The following MAF variants were observed in gnomAD, a reference collection of about 807,000 sequenced individuals.
The protein encoded by MAF is MAF bZIP transcription factor.
In MAF, 10 loss-of-function variants were observed where a neutral mutation model predicts 22.0. The ratio of observed to expected loss-of-function variants is 0.45; its 90% CI spans 0.28 to 0.77. The LOEUF (loss-of-function observed/expected upper bound fraction) is 0.77. MAF is among the 30% of genes least tolerant of loss of function. The pLI is 0.12. For missense variants in MAF, 544 were observed against 548.4 expected, an observed-to-expected ratio of 0.99 and a Z score of 0.08; for synonymous variants, 337 against 255.8, an observed-to-expected ratio of 1.32 and a Z score of -3.03.
chr16:79,245,761 T>C, the MAF span, among the ~76,000 whole-genome samples: 1 of 152,044 alleles, frequency 6.6e-6, no homozygotes, highest in Non-Finnish European at 1.5e-5. Flanking sequence ...TGCACACATA[T>C]GTTTACTGCA....
chr16:79,446,993 T>C, the MAF span, among the ~76,000 whole-genome samples: 24 of 152,258 alleles, frequency 1.6e-4, no homozygotes, highest in East Asian at 4.6e-3. Flanking sequence ...ACAAGAGTTT[T>C]TGGTAATATA....
chr16:79,550,285 C>T, the MAF span, among the ~76,000 whole-genome samples: 19 of 151,966 alleles, frequency 1.3e-4, no homozygotes, highest in African/African-American at 4.6e-4. Flanking sequence ...TAATGAAGAT[C>T]TTCAGGGGGG....
the MAF span, among the ~76,000 whole-genome samples, chr16:79,261,782 C>T: frequency 1.3e-5 from 2 of 152,260 alleles, no homozygotes; most frequent in African/African-American, 4.8e-5. Flanking sequence ...AGGGCCTGGC[C>T]TCAAAGACAA....
At chr16:79,343,476 A>G in the MAF span, among the ~76,000 whole-genome samples, 2 of 152,228 alleles carry the variant, frequency 1.3e-5, no homozygotes, top group Non-Finnish European at 2.9e-5. Context: ...CGGAGTCCAC[A>G]AAAAATTATA....
At chr16:79,569,330 C>T in the MAF span, among the ~76,000 whole-genome samples, 4 of 152,150 alleles carry the variant, frequency 2.6e-5, no homozygotes, top group African/African-American at 9.7e-5. Flanking sequence ...GCCAAATGTC[C>T]CTGGAGGAGC....
chr16:79,322,573 A>G, the MAF span, among the ~76,000 whole-genome samples: 2 of 152,144 alleles, frequency 1.3e-5, no homozygotes, highest in Admixed American at 6.5e-5. Flanking sequence ...TGGGGATAAC[A>G]TGGGAAGCGG....
chr16:79,529,206 G>C, the MAF span, among the ~76,000 whole-genome samples: 1 of 152,074 alleles, frequency 6.6e-6, no homozygotes, highest in Non-Finnish European at 1.5e-5. Context: ...AACTCCAGCT[G>C]GTCTCTCACT....
chr16:79,552,856 G>T, the MAF span, among the ~76,000 whole-genome samples: 1 of 152,206 alleles, frequency 6.6e-6, no homozygotes. Context: ...ACACATGAGA[G>T]ACCAGAGCTA....
the MAF span, among the ~76,000 whole-genome samples, chr16:79,427,319 A>C: frequency 2.0e-5 from 3 of 152,318 alleles, no homozygotes; most frequent in Middle Eastern, 6.8e-3. Flanking sequence ...CACCAAGGGC[A>C]CTTTGCTTGT....
chr16:79,329,108 C>A, the MAF span, among the ~76,000 whole-genome samples: 8 of 152,004 alleles, frequency 5.3e-5, no homozygotes, highest in South Asian at 8.3e-4. Context: ...TGTTTCACTT[C>A]CCACATTCTG....
At chr16:79,338,647 AG>A in the MAF span, among the ~76,000 whole-genome samples, 2 of 152,190 alleles carry the variant, frequency 1.3e-5, no homozygotes, top group African/African-American at 4.8e-5. Flanking sequence ...GAGTTGAGGA[AG>A]AAAAAAAATG....
chr16:79,406,689 C>G, the MAF span, among the ~76,000 whole-genome samples: 1 of 152,176 alleles, frequency 6.6e-6, no homozygotes, highest in African/African-American at 2.4e-5. Context: ...CATCAACATT[C>G]TGTCTATAAG....
At chr16:79,232,955 C>T in the MAF span, among the ~76,000 whole-genome samples, 1 of 151,284 alleles carries the variant, frequency 6.6e-6, no homozygotes, top group African/African-American at 2.4e-5. Flanking sequence ...ATTCTCCTGC[C>T]TCAGCCTCCC....
the MAF span, among the ~76,000 whole-genome samples, chr16:79,475,542 G>A: frequency 2.0e-5 from 3 of 152,038 alleles, no homozygotes; most frequent in Admixed American, 6.6e-5. Flanking sequence ...CTATCCATCT[G>A]TCTGTCTGTC....
chr16:79,484,706 T>G, the MAF span, among the ~76,000 whole-genome samples: 1 of 152,144 alleles, frequency 6.6e-6, no homozygotes, highest in Non-Finnish European at 1.5e-5. Flanking sequence ...GGGTGGGAGC[T>G]GCTCACACTG....
the MAF span, among the ~76,000 whole-genome samples, chr16:79,396,481 G>C: frequency 3.3e-5 from 5 of 152,286 alleles, no homozygotes; most frequent in Middle Eastern, 0.01. Context: ...CACTCTTCTG[G>C]AAAAAGCCTC....
At chr16:79,404,591 T>C in the MAF span, among the ~76,000 whole-genome samples, 1 of 152,114 alleles carries the variant, frequency 6.6e-6, no homozygotes, top group African/African-American at 2.4e-5. Flanking sequence ...AGTCAATGAA[T>C]GACACACATT....
At chr16:79,393,964 A>G in the MAF span, among the ~76,000 whole-genome samples, 22 of 152,196 alleles carry the variant, frequency 1.4e-4, no homozygotes, top group Non-Finnish European at 2.8e-4. Flanking sequence ...AGAACATTGT[A>G]TGTATTGCCT....
At chr16:79,417,614 G>A in the MAF span, among the ~76,000 whole-genome samples, 14 of 152,194 alleles carry the variant, frequency 9.2e-5, no homozygotes, top group South Asian at 2.5e-3. Context: ...GTTTGGAGGC[G>A]GGGGTCCCCA....
Sources: allele counts gnomAD v4.1 joint callset (sites outside exome capture counted in the v4.1 genomes callset), GRCh38; gene constraint gnomAD v4.1.1; transcripts MANE v1.5; gene names NCBI Gene and HGNC (gene_info 2026-07-23, HGNC 2026-07-21).